Variants in ARHGAP35 observed in about 807,000 individuals in gnomAD.
ARHGAP35 encodes the protein rho GTPase-activating protein 35.
A neutral mutation model predicts 111.1 loss-of-function variants in ARHGAP35; 15 were observed. That is an observed-to-expected ratio of 0.13 (90% CI 0.09 to 0.21). ARHGAP35 has a LOEUF of 0.21. ARHGAP35 is among the 10% of genes least tolerant of loss of function. The pLI, the probability that ARHGAP35 is intolerant of heterozygous loss-of-function variation, is 1.00. For missense variants in ARHGAP35, 1,262 were observed against 1,873.0 expected, an observed-to-expected ratio of 0.67 and a Z score of 6.02; for synonymous variants, 643 against 710.3, an observed-to-expected ratio of 0.91 and a Z score of 1.51.
chr19:46,905,740 C>T lies in ARHGAP35; in HGVS notation c.-188-12748C>T, dbSNP rs188805186. Among the ~76,000 whole-genome samples, 201 of 152,120 alleles carry T rather than the reference C, an allele frequency of 1.3e-3. 1 individual carries two copies. Among genetic ancestry groups the T allele is most frequent in the South Asian group, 3.7e-3 (18 of 4,824 alleles). On this transcript the variant is annotated intron_variant, in intron 1 of 6. Coordinates refer to ENST00000672722, the MANE Select transcript of ARHGAP35 (RefSeq NM_004491.5). ...AATTTTTTTGTATTTTTAGTAGAGACGAGGTTTCACCATGTTGGCCAGGCT... is the reference window on the plus strand; with the variant it reads ...AATTTTTTTGTATTTTTAGTAGAGATGAGGTTTCACCATGTTGGCCAGGCT...
At chr19:46,891,551 C>T (rs1182707047) in intron 1 of ARHGAP35, among the ~76,000 whole-genome samples, 4 of 151,960 alleles carry the variant, frequency 2.6e-5, no homozygotes, top group Non-Finnish European at 5.9e-5. Context: ...CTCAGCCTCC[C>T]AAGTAGCTGG....
At position 46,960,996 on chromosome 19, in the gene ARHGAP35, G is replaced by A. The variant is rs181558895; in HGVS notation, c.3826+23588G>A. Reference sequence around the variant, plus strand: ...TGCAACCTCCACCTCCCGAGTTCAAGCGATTCTCCTGCCCCAGCCTCCTGA... The same window carrying A: ...TGCAACCTCCACCTCCCGAGTTCAAACGATTCTCCTGCCCCAGCCTCCTGA... On this transcript the variant is annotated intron_variant, in intron 3 of 6. Transcript: ENST00000672722. Among the ~76,000 whole-genome samples, 231 of 151,548 alleles carry A rather than the reference G, an allele frequency of 1.5e-3. 1 individual carries two copies. The highest frequency in any genetic ancestry group is 5.3e-3 in the African/African-American group (219 of 41,282).
At chr19:46,893,371 C>T (rs548887441) in intron 1 of ARHGAP35, among the ~76,000 whole-genome samples, 2 of 152,074 alleles carry the variant, frequency 1.3e-5, no homozygotes, top group South Asian at 2.1e-4. Flanking sequence ...GAGCATCTAC[C>T]GTATACCAGG....
intron 1 of ARHGAP35, among the ~76,000 whole-genome samples, chr19:46,889,362 G>T (rs1460675522): frequency 6.6e-6 from 1 of 152,024 alleles, no homozygotes; most frequent in East Asian, 1.9e-4. Flanking sequence ...AGGAGGCTGA[G>T]GCAGGAGAAT....
chr19:46,889,201 C>T (rs540527137), intron 1 of ARHGAP35, among the ~76,000 whole-genome samples: 49 of 151,442 alleles, frequency 3.2e-4, no homozygotes, highest in African/African-American at 1.2e-3. Context: ...CGCTGTGGCT[C>T]ACACCTGTAA....
intron 1 of ARHGAP35, among the ~76,000 whole-genome samples, chr19:46,880,947 C>G (rs918550263): frequency 8.8e-6 from 1 of 113,750 alleles, no homozygotes; most frequent in Non-Finnish European, 1.9e-5. Context: ...AATGAATGTT[C>G]TTTTTTTTTT....
chr19:46,888,286 AT>A (rs2056004188), intron 1 of ARHGAP35, among the ~76,000 whole-genome samples: 4 of 57,280 alleles, frequency 7.0e-5, no homozygotes, highest in African/African-American at 3.6e-4. Flanking sequence ...ATATATATAT[AT>A]ATATATATAT....
intron 1 of ARHGAP35, among the ~76,000 whole-genome samples, 65 bp downstream of exon 1, chr19:46,861,274 G>C (rs1051517307): frequency 6.6e-6 from 1 of 151,048 alleles, no homozygotes; most frequent in African/African-American, 2.4e-5. Context: ...CGGGGTCCAG[G>C]GGGAGGCGGG....
intron 1 of ARHGAP35, among the ~76,000 whole-genome samples, chr19:46,861,853 G>T (rs2122844271): frequency 6.6e-6 from 1 of 152,080 alleles, no homozygotes; most frequent in South Asian, 2.1e-4. Context: ...ACCCCTGTTC[G>T]GCCAGGCACT....
At chr19:46,935,532 A>G (rs904260145) in intron 2 of ARHGAP35, among the ~76,000 whole-genome samples, 10 of 152,234 alleles carry the variant, frequency 6.6e-5, no homozygotes, top group African/African-American at 2.2e-4. Context: ...AGGAACGAAG[A>G]TGGGCAGGAG....
intron 3 of ARHGAP35, among the ~76,000 whole-genome samples, chr19:46,959,033 A>G (rs2056460178): frequency 7.0e-6 from 1 of 143,510 alleles, no homozygotes; most frequent in African/African-American, 2.6e-5. Flanking sequence ...AAGTACAGTT[A>G]AGTAAAATAA....
At chr19:46,903,483 A>G (rs2056091395) in intron 1 of ARHGAP35, among the ~76,000 whole-genome samples, 1 of 152,212 alleles carries the variant, frequency 6.6e-6, no homozygotes, top group African/African-American at 2.4e-5. Flanking sequence ...CATTCTGTGC[A>G]TATGTAACTG....
At chr19:46,998,300 G>A (rs2056726211) in intron 5 of ARHGAP35, among the ~76,000 whole-genome samples, 1 of 152,160 alleles carries the variant, frequency 6.6e-6, no homozygotes, top group Non-Finnish European at 1.5e-5. Flanking sequence ...CACCCCCACA[G>A]CCGCCAGCTG....
chr19:46,980,769 C>T (rs1201846718), intron 3 of ARHGAP35, among the ~76,000 whole-genome samples: 4 of 152,154 alleles, frequency 2.6e-5, no homozygotes, highest in Non-Finnish European at 5.9e-5. Context: ...GGGCAGGATT[C>T]GAACCCATGT....
intron 3 of ARHGAP35, among the ~76,000 whole-genome samples, chr19:46,975,213 C>T (rs757808605): frequency 1.3e-5 from 2 of 152,122 alleles, no homozygotes; most frequent in African/African-American, 2.4e-5. Context: ...TTCTATCACT[C>T]AGGAAATTCC....
chr19:46,916,388 C>A (rs1431549131), intron 1 of ARHGAP35, among the ~76,000 whole-genome samples: 1 of 152,016 alleles, frequency 6.6e-6, no homozygotes, highest in Non-Finnish European at 1.5e-5. Context: ...ACACTCTGTC[C>A]CTCTGTCTTA....
intron 1 of ARHGAP35, among the ~76,000 whole-genome samples, chr19:46,867,371 C>T (rs1381439495): frequency 2.0e-5 from 3 of 152,196 alleles, no homozygotes; most frequent in Non-Finnish European, 4.4e-5. Context: ...ATGCCCTCGT[C>T]CTGGCCACTG....
rs1180828259 is a variant in ARHGAP35 at position 46,994,974 on chromosome 19, G to A, written c.4037-4330G>A. On this transcript the variant is annotated intron_variant, in intron 5 of 6. Coordinates refer to ENST00000672722, the MANE Select transcript of ARHGAP35 (RefSeq NM_004491.5). This position sits in a 1 kb window ranked among gnomAD's most constrained non-coding sequence, Gnocchi z 5.4. Reference sequence around the variant, plus strand: ...CCCTTCTCATGCTCACCTGCCTCTGGGTCAGAGTCACCTCCTCCCTCGCTG... The same window carrying A: ...CCCTTCTCATGCTCACCTGCCTCTGAGTCAGAGTCACCTCCTCCCTCGCTG... 6.6e-6 allele frequency among the ~76,000 whole-genome samples: 1 copy of A among 152,156 alleles called. No individual in the cohort carries two copies. The highest frequency in any genetic ancestry group is 1.5e-5 in the Non-Finnish European group (1 of 68,042).
At chr19:46,904,444 C>A (rs1178960470) in intron 1 of ARHGAP35, among the ~76,000 whole-genome samples, 1 of 152,140 alleles carries the variant, frequency 6.6e-6, no homozygotes, top group Admixed American at 6.6e-5. Context: ...CTTCTGTCAG[C>A]GAGACACAGG....
Sources: gnomAD v4.1 joint callset for allele counts (sites outside exome capture counted in the v4.1 genomes callset) on GRCh38, gnomAD v4.1.1 for gene constraint, Gnocchi (gnomAD v3.1) non-coding constraint, MANE v1.5 for transcripts, NCBI Gene and HGNC (gene_info 2026-07-23, HGNC 2026-07-21) for gene names.